ADGRG4: variants seen among roughly 807,000 people sequenced by gnomAD.
ADGRG4 encodes adhesion G protein-coupled receptor G4.
Under a neutral mutation model 126.2 loss-of-function variants are expected in ADGRG4, and 122 were observed. That is an observed-to-expected ratio of 0.97 (90% CI 0.83 to 1.12). The LOEUF (loss-of-function observed/expected upper bound fraction) is 1.12. Among genes scored for constraint, ADGRG4 ranks in the 50% most tolerant of loss-of-function variants. ADGRG4 has a pLI of 0.00. For synonymous variants in ADGRG4, 943 were observed against 838.7 expected, an observed-to-expected ratio of 1.12 and a Z score of -2.15; for missense variants, 2,481 against 2,251.8, an observed-to-expected ratio of 1.10 and a Z score of -2.06.
At chrX:136,366,965 T>C (rs2075162692) in intron 13 of ADGRG4, among the ~76,000 whole-genome samples, 1 of 111,050 alleles carries the variant, frequency 9.0e-6, no homozygotes, top group African/African-American at 3.3e-5. Flanking sequence ...GGGTGGAACC[T>C]TCATGAATGA....
At chrX:136,302,310 G>T (rs986474485) in intron 1 of ADGRG4, among the ~76,000 whole-genome samples, 2 of 111,936 alleles carry the variant, frequency 1.8e-5, no homozygotes, top group Non-Finnish European at 3.8e-5. Context: ...TTCCTTGTAA[G>T]TTGTATTCCT....
Position 136,345,875 on chromosome X carries a change from A to AT in ADGRG4, c.2170dup (p.Tyr724LeufsTer15). 8.3e-7 allele frequency: 1 copy of AT among 1,209,977 alleles called. No homozygotes were observed. Among genetic ancestry groups the AT allele is most frequent in the Non-Finnish European group, 1.1e-6 (1 of 893,929 alleles). The stretch of plus-strand genomic sequence containing the variant: ...CTGCCAATGATGCTACTACAGCCAG[A>AT]TATACAACAGCTGTATCCAAATTGA... On this transcript the variant is annotated frameshift_variant, in exon 6 of 26. Transcript: ENST00000394143. LOFTEE classifies it high-confidence loss of function.
intron 1 of ADGRG4, among the ~76,000 whole-genome samples, chrX:136,301,718 T>G (rs1294363614): frequency 8.9e-6 from 1 of 112,271 alleles, no homozygotes; most frequent in Non-Finnish European, 1.9e-5. Context: ...GTTTTAGGTC[T>G]AACATTTAAG....
Position 136,359,415 on chromosome X carries a change from G to T in ADGRG4, c.7104G>T (p.Thr2368=). ...GAAACTTCACACAAGATCAATTGAC[G>T]TTATTAGTAAACTGTGAACACGTTG... ...THGNFTQDQL[T]LLVNCEHVAV... is the part of the protein sequence containing the mutation. Residue 2368 remains threonine, a synonymous_variant, in exon 11 of 26, where the codon ACG becomes ACT. Transcript: ENST00000394143. 5.8e-6 allele frequency: 7 copies of T among 1,207,264 alleles called. No homozygotes were observed. The highest frequency in any genetic ancestry group is 7.8e-6 in the Non-Finnish European group (7 of 893,439).
Position 136,323,313 on chromosome X carries a change from T to A in ADGRG4, c.606T>A (p.Asp202Glu), listed in dbSNP as rs781003706. 4.1e-6 allele frequency: 5 copies of A among 1,210,374 alleles called. No homozygotes were observed. In the South Asian group the frequency reaches 8.8e-5, roughly 21 times the overall value. Residue 202 changes from aspartate to glutamate, a missense_variant, in exon 5 of 26, where the codon GAT (aspartate) becomes GAA (glutamate). By Grantham distance (45) the Asp-to-Glu change is conservative. Transcript: ENST00000394143. ...LENEEFMKCL[D>E]GNIVSWEEDV... ...ACGAAGAGTTTATGAAGTGTTTAGA[T>A]GGAAATATAGTTAGTTGGGAAGAAG...
At chrX:136,326,977 T>C (rs989795787) in intron 5 of ADGRG4, among the ~76,000 whole-genome samples, 1 of 110,807 alleles carries the variant, frequency 9.0e-6, no homozygotes, top group Non-Finnish European at 1.9e-5. Context: ...TAAACAAGTA[T>C]TCACTATAGT....
intron 4 of ADGRG4, among the ~76,000 whole-genome samples, chrX:136,314,209 A>G (rs1435036338): frequency 9.0e-6 from 1 of 111,479 alleles, no homozygotes; most frequent in African/African-American, 3.3e-5. Flanking sequence ...TTGCTCTGCT[A>G]CAGTCTATTC....
rs746508686 is a variant in ADGRG4, at chrX:136,346,726, C to A, written c.3020C>A (p.Thr1007Asn). The change falls in exon 6 of 26, where the codon ACC becomes AAC. Residue 1007 changes from threonine to asparagine, a missense_variant. Thr to Asn is a moderately conservative substitution (Grantham distance 65). Coordinates refer to ENST00000394143, the MANE Select transcript of ADGRG4 (RefSeq NM_153834.4). ...CCTACAGCTGCTCATTCCTCAGCAA[C>A]CCCTGTGCCTGTTACTCATATGTTC... The part of the protein sequence containing the change: ...PQPTAAHSSA[T>N]PVPVTHMFSL... The A allele has an allele frequency of 6.6e-6, 8 of 1,210,134 alleles. No homozygotes were observed. Among genetic ancestry groups the A allele is most frequent in the Non-Finnish European group, 8.9e-6 (8 of 894,300 alleles).
intron 16 of ADGRG4, among the ~76,000 whole-genome samples, chrX:136,391,537 G>A (rs1180626485): frequency 8.9e-6 from 1 of 112,524 alleles, no homozygotes; most frequent in African/African-American, 3.2e-5. Flanking sequence ...AGCCACTCAA[G>A]CCTCAGTTTA....
At chrX:136,404,824 A>G (rs1197683628) in intron 22 of ADGRG4, among the ~76,000 whole-genome samples, 2 of 111,929 alleles carry the variant, frequency 1.8e-5, no homozygotes, top group Non-Finnish European at 3.8e-5. Flanking sequence ...TTTTTTTAAC[A>G]TGTTTGCAAC....
At chrX:136,380,568 C>CTCTTCT (rs1330917485) in intron 15 of ADGRG4, among the ~76,000 whole-genome samples, 19 of 81,222 alleles carry the variant, frequency 2.3e-4, no homozygotes, top group African/African-American at 7.1e-4. Context: ...CTTCTTCTTC[C>CTCTTCT]TCTTCTTCTT....
At chrX:136,409,399 C>T (rs2148501808) in intron 23 of ADGRG4, among the ~76,000 whole-genome samples, 1 of 111,587 alleles carries the variant, frequency 9.0e-6, no homozygotes, top group South Asian at 3.8e-4. Flanking sequence ...TTGGAATTCA[C>T]AGAATAACCT....
At chrX:136,375,589 A>G (rs2075220637) in intron 15 of ADGRG4, among the ~76,000 whole-genome samples, 1 of 112,032 alleles carries the variant, frequency 8.9e-6, no homozygotes, top group Non-Finnish European at 1.9e-5. Flanking sequence ...TTGCAGGAGT[A>G]AGGTGGTATC....
chrX:136,358,839 A>G, intron 10 of ADGRG4, among the ~76,000 whole-genome samples: 1 of 112,326 alleles, frequency 8.9e-6, no homozygotes, highest in Non-Finnish European at 1.9e-5. Context: ...TACTTATTAT[A>G]GAAATGAGCC....
chrX:136,405,240 T>C (rs1273479001), intron 22 of ADGRG4, among the ~76,000 whole-genome samples: 3 of 108,870 alleles, frequency 2.8e-5, no homozygotes, highest in African/African-American at 1.0e-4. Flanking sequence ...TCACATCCTT[T>C]CACTGTGATA....
rs763962182 is a variant in ADGRG4, at chrX:136,395,492, T to A, written c.8183T>A (p.Met2728Lys). The change falls in exon 19 of 26, where the codon ATG (methionine) becomes AAG (lysine). Residue 2728 changes from methionine (M) to lysine (K), a missense_variant and splice_region_variant. Met to Lys is a moderately conservative substitution (Grantham distance 95). Transcript: ENST00000394143. ...CDHLTHFGVL[M>K]DLSRSTVDSV... ...CACCTCACCCATTTTGGAGTCTTAA[T>A]GGTGAGTTGTCTCTTAGTCACTCCT... The A allele has an allele frequency of 1.8e-6, 2 of 1,089,784 alleles. No individual in the cohort carries two copies. The highest frequency in any genetic ancestry group is 4.5e-5 in the Admixed American group (2 of 44,884). The allele number at this position is 1,089,784 out of a possible 1,213,427, so 89.8% of individuals were successfully genotyped here. A position where few individuals can be genotyped will look rare whatever the true frequency, so the allele number is the denominator to read the frequency against.
chrX:136,338,785 C>T (rs1184757969), intron 5 of ADGRG4, among the ~76,000 whole-genome samples: 1 of 111,677 alleles, frequency 9.0e-6, no homozygotes, highest in Non-Finnish European at 1.9e-5. Flanking sequence ...AAAATTGTAT[C>T]CTGGACATTT....
chrX:136,332,149 T>C, intron 5 of ADGRG4, among the ~76,000 whole-genome samples: 1 of 91,707 alleles, frequency 1.1e-5, no homozygotes, highest in Non-Finnish European at 2.2e-5. Context: ...ATGCTATCCC[T>C]CCCCCCTCCC....
intron 5 of ADGRG4, among the ~76,000 whole-genome samples, chrX:136,338,085 TCTA>T (rs1432135239): frequency 9.0e-6 from 1 of 110,627 alleles, no homozygotes; most frequent in African/African-American, 3.3e-5. Flanking sequence ...TCATCTCTAC[TCTA>T]CTATTAAGTC....
Sources: gnomAD v4.1 joint callset for allele counts (sites outside exome capture counted in the v4.1 genomes callset) on GRCh38, gnomAD v4.1.1 for gene constraint, MANE v1.5 for transcripts, NCBI Gene and HGNC (gene_info 2026-07-23, HGNC 2026-07-21) for gene names.